DMGDH: variants seen among roughly 807,000 people sequenced by gnomAD.
DMGDH encodes dimethylglycine dehydrogenase, mitochondrial.
A neutral mutation model predicts 95.2 loss-of-function variants in DMGDH; 76 were observed. That is an observed-to-expected ratio of 0.80 (90% CI 0.66 to 0.97). The LOEUF (loss-of-function observed/expected upper bound fraction) is 0.97, where lower values mean the gene tolerates loss of function less well. Ranked by LOEUF, DMGDH falls within the 50% of genes least tolerant of loss-of-function variation. The probability of loss-of-function intolerance (pLI) is 0.00; values close to 1 mark genes in which losing one functional copy is unlikely to be tolerated. For synonymous variants in DMGDH, 345 were observed against 377.6 expected, an observed-to-expected ratio of 0.91 and a Z score of 1.00; for missense variants, 987 against 1,055.0, an observed-to-expected ratio of 0.94 and a Z score of 0.89.
chr5:79,008,823 A>G (rs1402189148), intron 14 of DMGDH, among the ~76,000 whole-genome samples: 1 of 152,162 alleles, frequency 6.6e-6, no homozygotes, highest in Non-Finnish European at 1.5e-5. Context: ...AATCAGTAAC[A>G]TTTACAATTT....
At chr5:79,021,439 G>A (rs1753864321) in intron 14 of DMGDH, 2 of 1,207,434 alleles carry the variant, frequency 1.7e-6, no homozygotes, top group Non-Finnish European at 1.1e-6. Context: ...TGATACATGT[G>A]TATCAACTTC....
intron 7 of DMGDH, among the ~76,000 whole-genome samples, chr5:79,034,966 A>AGAAT: frequency 6.8e-6 from 1 of 146,884 alleles, no homozygotes; most frequent in East Asian, 2.1e-4. Flanking sequence ...CTGAGGCAGG[A>AGAAT]GAATGGCATG....
chr5:79,068,029 C>T (rs762790448), intron 1 of DMGDH, among the ~76,000 whole-genome samples: 6 of 152,076 alleles, frequency 3.9e-5, no homozygotes, highest in Non-Finnish European at 8.8e-5. Flanking sequence ...GCGATTCTCC[C>T]GCCTCAGCCT....
chr5:79,027,410 A>G (rs1019707012), intron 12 of DMGDH, among the ~76,000 whole-genome samples: 1 of 152,140 alleles, frequency 6.6e-6, no homozygotes, highest in Non-Finnish European at 1.5e-5. Context: ...AGAAAGAGCT[A>G]TGGTCTTTAA....
Position 79,058,112 on chromosome 5 carries a change from C to T in DMGDH, c.277-2204G>A, listed in dbSNP as rs565154194. On this transcript the variant is annotated intron_variant, in intron 2 of 15. Coordinates refer to ENST00000255189, the MANE Select transcript of DMGDH (RefSeq NM_013391.3). Reference sequence around the variant, plus strand: ...TCAAGGAAAAGTTAGTCTCCCTTACCGCAACAGTATACCCAGTTCTACTAA... The same window carrying T: ...TCAAGGAAAAGTTAGTCTCCCTTACTGCAACAGTATACCCAGTTCTACTAA... Among the ~76,000 whole-genome samples, 42 of 152,250 alleles carry T rather than the reference C, an allele frequency of 2.8e-4. 1 individual carries two copies. The highest frequency in any genetic ancestry group is 1.4e-3 in the Admixed American group (22 of 15,300).
chr5:79,005,507 A>T (rs1214538180), intron 14 of DMGDH, 100 bp from the exon 15 acceptor site: 1 of 1,477,408 alleles, frequency 6.8e-7, no homozygotes, highest in African/African-American at 1.4e-5. Context: ...TTTCTCACCA[A>T]TTACACATTA....
rs561207901 is a variant in DMGDH at position 79,053,603 on chromosome 5, CAGTA to C, written c.540+577_540+580del. On this transcript the variant is annotated intron_variant, in intron 4 of 15. Coordinates refer to ENST00000255189, the MANE Select transcript of DMGDH (RefSeq NM_013391.3). ...CTAACTGGTACATAAATATGTGCTA[CAGTA>C]AGTGTTAGCCATTGTTATTATTATT... 2.4e-3 allele frequency among the ~76,000 whole-genome samples: 370 copies of C among 152,214 alleles called. 5 individuals carry two copies. Among genetic ancestry groups the C allele is most frequent in the Non-Finnish European group, 1.3e-3 (87 of 68,024 alleles).
chr5:79,031,069 T>A, intron 9 of DMGDH, 71 bp from the exon 10 acceptor site: 1 of 1,538,872 alleles, frequency 6.5e-7, no homozygotes, highest in Non-Finnish European at 8.9e-7. Context: ...TACGATATTT[T>A]AATAAGCCCT....
chr5:79,021,533 A>T, intron 14 of DMGDH: 1 of 1,283,882 alleles, frequency 7.8e-7, no homozygotes, highest in African/African-American at 1.5e-5. Context: ...TCCCTTTGTG[A>T]TGAAAGAGTT....
rs963762676 is a variant in DMGDH, at chr5:78,997,894, T to C, written c.*188A>G. ...TCTTCATTTAAAAGAACAATGTAAA[T>C]CATTTATCTATTATTCTGTCTTGCT... On this transcript the variant is annotated 3_prime_UTR_variant, in exon 16 of 16. Transcript: ENST00000255189. 14 of 631,514 alleles carry C rather than the reference T, an allele frequency of 2.2e-5. No individual in the cohort carries two copies. The African/African-American group carries it at 2.6e-4, about 12-fold the overall frequency. 39.1% of individuals were successfully genotyped at this position (631,514 alleles called of 1,614,324 possible).
At chr5:79,013,655 C>T (rs1163468207) in intron 14 of DMGDH, among the ~76,000 whole-genome samples, 1 of 152,150 alleles carries the variant, frequency 6.6e-6, no homozygotes, top group Non-Finnish European at 1.5e-5. Context: ...GCTCACAGTT[C>T]TGTAGACTAT....
chr5:79,051,546 T>C, intron 4 of DMGDH, 55 bp from the exon 5 acceptor site: 1 of 1,474,436 alleles, frequency 6.8e-7, no homozygotes, highest in Non-Finnish European at 9.4e-7. Flanking sequence ...TATTACTCAG[T>C]AAAAATATAT....
At chr5:79,009,046 C>T (rs1355268101) in intron 14 of DMGDH, among the ~76,000 whole-genome samples, 1 of 152,100 alleles carries the variant, frequency 6.6e-6, no homozygotes, top group Non-Finnish European at 1.5e-5. Flanking sequence ...TTAGAAAGCA[C>T]TCTAAATAAA....
At chr5:79,032,964 T>C (rs1310957320) in intron 8 of DMGDH, 124 bp from the exon 9 acceptor site, 2 of 1,164,568 alleles carry the variant, frequency 1.7e-6, no homozygotes, top group Non-Finnish European at 2.5e-6. Context: ...TACATACATA[T>C]ATATGAATGA....
intron 14 of DMGDH, among the ~76,000 whole-genome samples, chr5:79,017,721 T>C (rs182970194): frequency 5.8e-4 from 88 of 152,380 alleles, no homozygotes; most frequent in Non-Finnish European, 7.3e-4. Flanking sequence ...CAGTGTCAGC[T>C]GACTGTTGAA....
rs367638371 is a variant in DMGDH, at chr5:79,011,091, A to C, written c.2251-5684T>G. Among the ~76,000 whole-genome samples the C allele has an allele frequency of 1.5e-4, 23 of 152,286 alleles. 1 individual carries two copies. Among genetic ancestry groups the C allele is most frequent in the African/African-American group, 5.5e-4 (23 of 41,554 alleles). ...TTGTGCAGTACCCTGTGCACCTGTG[A>C]CACTGTTTATGCCTCAGGAAACTTA... On this transcript the variant is annotated intron_variant, in intron 14 of 15. Transcript: ENST00000255189.
chr5:79,060,808 A>G (rs2112672693), intron 2 of DMGDH, among the ~76,000 whole-genome samples: 1 of 151,944 alleles, frequency 6.6e-6, no homozygotes, highest in African/African-American at 2.4e-5. Context: ...AGTCCCAGCT[A>G]CTTGGGAGGC....
rs569273201 is a variant in DMGDH, at chr5:79,025,242, T to A, written c.2191-912A>T. Among the ~76,000 whole-genome samples the A allele has an allele frequency of 1.1e-4, 16 of 152,292 alleles. No homozygotes were observed. In the South Asian group the frequency reaches 3.3e-3, roughly 32 times the overall value. On this transcript the variant is annotated intron_variant, in intron 13 of 15. Coordinates refer to ENST00000255189, the MANE Select transcript of DMGDH (RefSeq NM_013391.3). ...GAGGAGGTCGCCGGGAGAGGAAATCTGAGAAAATAAAAGGCAGGAGAATGG... is the reference window on the plus strand; with the variant it reads ...GAGGAGGTCGCCGGGAGAGGAAATCAGAGAAAATAAAAGGCAGGAGAATGG...
At chr5:79,037,392 T>C (rs1580207899) in intron 7 of DMGDH, among the ~76,000 whole-genome samples, 1 of 152,146 alleles carries the variant, frequency 6.6e-6, no homozygotes, top group Admixed American at 6.5e-5. Flanking sequence ...TCCAGAGCCA[T>C]GGAATGAGTG....
Sources: gnomAD v4.1 joint callset for allele counts (sites outside exome capture counted in the v4.1 genomes callset) on GRCh38, gnomAD v4.1.1 for gene constraint, MANE v1.5 for transcripts, NCBI Gene and HGNC (gene_info 2026-07-23, HGNC 2026-07-21) for gene names.